GGPS1: variants seen among roughly 807,000 people sequenced by gnomAD.
GGPS1 encodes the protein geranylgeranyl pyrophosphate synthase.
Under a neutral mutation model 28.1 loss-of-function variants are expected in GGPS1, and 15 were observed. That is an observed-to-expected ratio of 0.53 (90% CI 0.36 to 0.82). The LOEUF (loss-of-function observed/expected upper bound fraction) is 0.82, where lower values mean the gene tolerates loss of function less well. GGPS1 is among the 40% of genes least tolerant of loss of function. The pLI is 0.01. For synonymous variants in GGPS1, 138 were observed against 122.4 expected (o/e 1.13, Z -0.84); for missense variants, 284 against 348.3 (o/e 0.82, Z 1.47).
chr1:235,339,776 A>G (rs1675976089), intron 2 of GGPS1, among the ~76,000 whole-genome samples: 1 of 150,704 alleles, frequency 6.6e-6, no homozygotes, highest in African/African-American at 2.4e-5. Context: ...AAAAAAAAAG[A>G]AAACAGTATT....
intron 2 of GGPS1, among the ~76,000 whole-genome samples, chr1:235,340,331 G>A (rs917891563): frequency 6.6e-6 from 1 of 151,956 alleles, no homozygotes; most frequent in African/African-American, 2.4e-5. Context: ...TTAACCGGGC[G>A]TGGTCGCTTG....
chr1:235,341,948 GTTAA>G (rs1479704560), intron 3 of GGPS1, 59 bp from the exon 4 acceptor site: 43 of 1,065,774 alleles, frequency 4.0e-5, no homozygotes, highest in South Asian at 7.9e-5. Flanking sequence ...TTCATAATCT[GTTAA>G]TTAAACTGAG....
intron 2 of GGPS1, among the ~76,000 whole-genome samples, chr1:235,337,425 A>G (rs1675903907): frequency 2.6e-5 from 4 of 152,166 alleles, no homozygotes; most frequent in Admixed American, 2.0e-4. Flanking sequence ...CTTTTTATTC[A>G]AGTACGTTCT....
At chr1:235,339,904 A>C (rs574378447) in intron 2 of GGPS1, among the ~76,000 whole-genome samples, 1 of 152,204 alleles carries the variant, frequency 6.6e-6, no homozygotes, top group Non-Finnish European at 1.5e-5. Flanking sequence ...TGAACTGGCC[A>C]TGGTTTTTAT....
rs1013614052 is a variant in GGPS1 at position 235,343,765 on chromosome 1, T to C, written c.*993T>C. ...TATGGGTACAGCATTCCCTTTCCAA[T>C]TGGGAAGCGGAAAAAGAGAGTATGG... On this transcript the variant is annotated 3_prime_UTR_variant, in exon 4 of 4. Coordinates refer to ENST00000282841, the MANE Select transcript of GGPS1 (RefSeq NM_004837.4). 6 of 166,886 alleles carry C rather than the reference T, an allele frequency of 3.6e-5. No individual in the cohort carries two copies. Among genetic ancestry groups the C allele is most frequent in the East Asian group, 1.9e-4 (1 of 5,194 alleles). The allele number at this position is 166,886 out of a possible 1,614,324, so 10.3% of individuals were successfully genotyped here.
rs1044641850 is a variant in GGPS1, at chr1:235,342,893, G to C, written c.*121G>C. On this transcript the variant is annotated 3_prime_UTR_variant, in exon 4 of 4. Coordinates refer to ENST00000282841, the MANE Select transcript of GGPS1 (RefSeq NM_004837.4). ...CAGAAACAGTAAATAGGTGAGTAGG[G>C]GTGGTGCAAGTGAATTCGTTTTCAT... 65 of 632,050 alleles carry C rather than the reference G, an allele frequency of 1.0e-4. No homozygotes were observed. The highest frequency in any genetic ancestry group is 1.0e-3 in the African/African-American group (55 of 54,248). 39.2% of individuals were successfully genotyped at this position (632,050 alleles called of 1,614,324 possible).
intron 1 of GGPS1, among the ~76,000 whole-genome samples, chr1:235,334,897 TCG>T (rs1327672829): frequency 6.6e-6 from 1 of 152,058 alleles, no homozygotes; most frequent in Admixed American, 6.6e-5. Context: ...ACCACCATGC[TCG>T]GCTAATCTTT....
intron 2 of GGPS1, among the ~76,000 whole-genome samples, chr1:235,336,343 A>G (rs1354756059): frequency 1.3e-5 from 2 of 152,194 alleles, no homozygotes; most frequent in African/African-American, 2.4e-5. Context: ...GTGAGCTGAG[A>G]TTGCATCACT....
chr1:235,340,988 CA>C (rs1367881334), intron 2 of GGPS1, among the ~76,000 whole-genome samples: 13 of 152,120 alleles, frequency 8.5e-5, no homozygotes, highest in Non-Finnish European at 1.5e-5. Context: ...ATTTTATTAA[CA>C]GTACCTATAG....
At chr1:235,336,934 C>T (rs532747495) in intron 2 of GGPS1, 1 of 158,948 alleles carries the variant, frequency 6.3e-6, no homozygotes, top group South Asian at 2.0e-4. Flanking sequence ...CTAATAGAGA[C>T]TCGCCTGCTA....
intron 1 of GGPS1, among the ~76,000 whole-genome samples, chr1:235,332,358 GT>G (rs1675741651): frequency 6.6e-6 from 1 of 152,098 alleles, no homozygotes; most frequent in Non-Finnish European, 1.5e-5. Flanking sequence ...TACACTTAAG[GT>G]AAGGGCTATC....
intron 1 of GGPS1, chr1:235,329,095 A>C (rs971066062): frequency 6.6e-6 from 1 of 152,288 alleles, no homozygotes; most frequent in Non-Finnish European, 1.5e-5. Flanking sequence ...AGTGATTGAA[A>C]TTCCCTGTTT....
rs1364697831 is a variant in GGPS1, at chr1:235,328,695, T to A, written c.-107T>A. ...ATGTAGGCATCGGGAAGAGCCTAAG[T>A]CCACATTATAAAATAGGAAGTTGAT... On this transcript the variant is annotated 5_prime_UTR_variant, in exon 1 of 4. Transcript: ENST00000282841. The A allele has an allele frequency of 6.5e-6, 1 of 152,722 alleles. No homozygotes were observed. Among genetic ancestry groups the A allele is most frequent in the South Asian group, 2.0e-4 (1 of 4,890 alleles). The allele number at this position is 152,722 out of a possible 1,614,324, so 9.5% of individuals were successfully genotyped here. A position where few individuals can be genotyped will look rare whatever the true frequency, so the allele number is the denominator to read the frequency against.
chr1:235,331,576 G>C (rs1368367283), intron 1 of GGPS1, among the ~76,000 whole-genome samples: 1 of 150,948 alleles, frequency 6.6e-6, no homozygotes, highest in Admixed American at 6.6e-5. Flanking sequence ...TATGTTGTAA[G>C]TCTTTGTGGC....
chr1:235,342,659 C>G lies in GGPS1; in HGVS notation c.790C>G (p.Leu264Val), dbSNP rs1314144857. 7 of 1,610,736 alleles carry G rather than the reference C, an allele frequency of 4.3e-6. No homozygotes were observed. The African/African-American group carries it at 9.3e-5, about 22-fold the overall frequency. The change falls in exon 4 of 4, where the codon CTT becomes GTT. Residue 264 changes from leucine to valine, a missense_variant. By Grantham distance (32) the Leu-to-Val change is conservative. Transcript: ENST00000282841. ...TTCTTTTGAATACACTCGTAATACC[C>G]TTAAAGAGCTTGAAGCTAAAGCCTA... ...VGSFEYTRNT[L>V]KELEAKAYKQ...
intron 2 of GGPS1, among the ~76,000 whole-genome samples, chr1:235,337,331 TTCC>T (rs1355850468): frequency 2.0e-5 from 3 of 152,174 alleles, no homozygotes; most frequent in African/African-American, 7.2e-5. Context: ...CTTCTGTGAC[TTCC>T]TTTTTTTTAA....
intron 1 of GGPS1, chr1:235,330,026 G>A (rs996016939): frequency 9.2e-5 from 14 of 152,338 alleles, no homozygotes; most frequent in Middle Eastern, 3.4e-3. Flanking sequence ...AACTAGTAGA[G>A]TTCATGTAAC....
intron 2 of GGPS1, among the ~76,000 whole-genome samples, chr1:235,339,270 G>T (rs140301871): frequency 3.3e-5 from 5 of 151,788 alleles, no homozygotes; most frequent in African/African-American, 9.7e-5. Flanking sequence ...CTGTACCCCA[G>T]CCTGGGCAAC....
chr1:235,340,522 G>C (rs1251278590), intron 2 of GGPS1, among the ~76,000 whole-genome samples: 1 of 150,736 alleles, frequency 6.6e-6, no homozygotes, highest in Non-Finnish European at 1.5e-5. Context: ...GGATCACGAG[G>C]TCAGGAGATC....
Sources: allele counts gnomAD v4.1 joint callset (sites outside exome capture counted in the v4.1 genomes callset), GRCh38; gene constraint gnomAD v4.1.1; transcripts MANE v1.5; gene names NCBI Gene and HGNC (gene_info 2026-07-23, HGNC 2026-07-21).